The following ITPR2 variants were observed in gnomAD, a reference collection of about 807,000 sequenced individuals.
The protein encoded by ITPR2 is inositol 1,4,5-trisphosphate receptor type 2, also known as inositol 1,4,5-trisphosphate-gated calcium channel ITPR2.
In ITPR2, 207 loss-of-function variants were observed where a neutral mutation model predicts 317.1. The ratio of observed to expected loss-of-function variants is 0.65; its 90% CI spans 0.58 to 0.73. The LOEUF (loss-of-function observed/expected upper bound fraction) is 0.73, where lower values mean the gene tolerates loss of function less well. Among genes scored for constraint, ITPR2 ranks in the 30% least tolerant of loss-of-function variants. The probability of loss-of-function intolerance (pLI) is 0.00; values close to 1 mark genes in which losing one functional copy is unlikely to be tolerated. For missense variants in ITPR2, 2,613 were observed against 3,284.0 expected (o/e 0.80, Z 4.99); for synonymous variants, 1,156 against 1,149.1 (o/e 1.01, Z -0.12).
intron 32 of ITPR2, among the ~76,000 whole-genome samples, 193 bp downstream of exon 32, chr12:26,595,272 T>C (rs1197255182): frequency 6.6e-6 from 1 of 152,236 alleles, no homozygotes; most frequent in Non-Finnish European, 1.5e-5. Flanking sequence ...TCATCTACAA[T>C]GTACTAAGTA....
chr12:26,805,634 G>A (rs866296638), intron 1 of ITPR2, among the ~76,000 whole-genome samples: 2 of 90,284 alleles, frequency 2.2e-5, no homozygotes, highest in Middle Eastern at 4.6e-3. Context: ...GAATGGGGAG[G>A]AGACAAATCA....
intron 43 of ITPR2, 147 bp from the exon 44 acceptor site, chr12:26,477,154 C>A: frequency 5.4e-6 from 3 of 556,148 alleles, no homozygotes; most frequent in Admixed American, 3.4e-5. Context: ...TGTTAACATT[C>A]TAAAATAGAA....
At position 26,556,222 on chromosome 12, in the gene ITPR2, G is replaced by A. The variant is rs1347305737; in HGVS notation, c.4964+11C>T. 3 of 1,612,196 alleles carry A rather than the reference G, an allele frequency of 1.9e-6. No homozygotes were observed. In the African/African-American group the frequency reaches 4.0e-5, roughly 22 times the overall value. The stretch of plus-strand genomic sequence containing the variant: ...ACGACACTAGCAGAATCTCAGATTG[G>A]ATCCACTTACTTCGACATGAAAGCG... On this transcript the variant is annotated intron_variant, in intron 36 of 56. Coordinates refer to ENST00000381340, the MANE Select transcript of ITPR2 (RefSeq NM_002223.4).
In ITPR2 at chr12:26,695,738, T is replaced by C. The variant is rs1948332039; in HGVS notation, c.952-88A>G. 63 of 805,680 alleles carry C rather than the reference T, an allele frequency of 7.8e-5. 1 individual carries two copies. In the South Asian group the frequency reaches 8.2e-4, roughly 10 times the overall value. The allele number at this position is 805,680 out of a possible 1,614,324, so 49.9% of individuals were successfully genotyped here. A position where few individuals can be genotyped will look rare whatever the true frequency, so the allele number is the denominator to read the frequency against. Reference sequence around the variant, plus strand: ...GATCTTCAATTCAATTAATATTCTATCCTCAACTAAGTTTAATATAAAAAG... The same window carrying C: ...GATCTTCAATTCAATTAATATTCTACCCTCAACTAAGTTTAATATAAAAAG... On this transcript the variant is annotated intron_variant, in intron 9 of 56. Coordinates refer to ENST00000381340, the MANE Select transcript of ITPR2 (RefSeq NM_002223.4).
chr12:26,679,683 T>C (rs1003982717), intron 13 of ITPR2, among the ~76,000 whole-genome samples: 7 of 152,186 alleles, frequency 4.6e-5, no homozygotes, highest in African/African-American at 1.4e-4. Context: ...TTTTCTTTTT[T>C]ATTTTTATTT....
At chr12:26,455,246 T>G (rs1941851803) in intron 45 of ITPR2, among the ~76,000 whole-genome samples, 1 of 150,618 alleles carries the variant, frequency 6.6e-6, no homozygotes, top group African/African-American at 2.5e-5. Context: ...TGAAAGCATT[T>G]CAACTTCAGG....
intron 21 of ITPR2, among the ~76,000 whole-genome samples, chr12:26,646,582 C>T (rs1029257740): frequency 2.0e-5 from 3 of 152,166 alleles, no homozygotes; most frequent in Non-Finnish European, 2.9e-5. Flanking sequence ...CAAAGCACAT[C>T]TCACTACCCT....
chr12:26,432,565 C>G (rs1592018399), intron 48 of ITPR2, among the ~76,000 whole-genome samples: 2 of 151,360 alleles, frequency 1.3e-5, no homozygotes, highest in Middle Eastern at 6.8e-3. Flanking sequence ...TACTTTTCAT[C>G]ATATAGTCAC....
rs79570636 is a variant in ITPR2 at position 26,698,407 on chromosome 12, C to T, written c.952-2757G>A. Among the ~76,000 whole-genome samples the T allele has an allele frequency of 8.5e-5, 13 of 152,176 alleles. No homozygotes were observed. In the East Asian group the frequency reaches 2.3e-3, roughly 27 times the overall value. ...GAACATGACGAGCTTCTCATGCAAG[C>T]GACAACCAAGAATGAATCTCAAAGA... On this transcript the variant is annotated intron_variant, in intron 9 of 56. Coordinates refer to ENST00000381340, the MANE Select transcript of ITPR2 (RefSeq NM_002223.4).
chr12:26,397,786 C>G (rs1479232128), intron 54 of ITPR2, among the ~76,000 whole-genome samples: 1 of 151,994 alleles, frequency 6.6e-6, no homozygotes, highest in Non-Finnish European at 1.5e-5. Context: ...TGTAGTGAAC[C>G]CTTAGGCTTG....
rs148661410 is a variant in ITPR2 at position 26,436,996 on chromosome 12, GC to G, written c.6644-651del. Among the ~76,000 whole-genome samples the G allele has an allele frequency of 2.0e-3, 311 of 152,296 alleles. 6 individuals are homozygous for G. The highest frequency in any genetic ancestry group is 7.3e-3 in the African/African-American group (303 of 41,564). ...TAAAAACTGTTAATAAGTGGAACAC[GC>G]TTTGCTGCATATATTCAACAAAGGA... On this transcript the variant is annotated intron_variant, in intron 47 of 56. Coordinates refer to ENST00000381340, the MANE Select transcript of ITPR2 (RefSeq NM_002223.4).
intron 54 of ITPR2, among the ~76,000 whole-genome samples, chr12:26,395,788 A>C (rs926174187): frequency 1.4e-4 from 22 of 152,146 alleles, no homozygotes; most frequent in African/African-American, 4.6e-4. Context: ...TCACTTTGTC[A>C]TTTTAGAATA....
intron 29 of ITPR2, 82 bp downstream of exon 29, chr12:26,599,905 A>G (rs1945952994): frequency 9.7e-7 from 1 of 1,031,654 alleles, no homozygotes; most frequent in Admixed American, 2.2e-5. Context: ...AGGAAGTGTA[A>G]CAAAATTCTC....
At chr12:26,630,172 A>G (rs1424835522) in intron 22 of ITPR2, among the ~76,000 whole-genome samples, 3 of 152,230 alleles carry the variant, frequency 2.0e-5, no homozygotes, top group Non-Finnish European at 4.4e-5. Context: ...TATTTTTTAA[A>G]GTAAAGGATA....
chr12:26,765,447 T>C (rs1949703467), intron 2 of ITPR2, among the ~76,000 whole-genome samples: 1 of 152,118 alleles, frequency 6.6e-6, no homozygotes, highest in Admixed American at 6.5e-5. Flanking sequence ...AGTGTACCAA[T>C]GTATACTCTT....
At chr12:26,474,112 T>C (rs1395181979) in intron 45 of ITPR2, among the ~76,000 whole-genome samples, 1 of 152,218 alleles carries the variant, frequency 6.6e-6, no homozygotes, top group Non-Finnish European at 1.5e-5. Flanking sequence ...TAGACAGTTA[T>C]ACAAAGGGTA....
At chr12:26,771,410 C>T (rs1283042886) in intron 2 of ITPR2, among the ~76,000 whole-genome samples, 3 of 152,152 alleles carry the variant, frequency 2.0e-5, no homozygotes, top group Non-Finnish European at 4.4e-5. Context: ...CCAAGATGGT[C>T]CCGGACCACT....
In ITPR2 at chr12:26,831,759, TATAA is replaced by T. The variant is rs1382206623; in HGVS notation, c.92+927_92+930del. On this transcript the variant is annotated intron_variant, in intron 1 of 56. Transcript: ENST00000381340. The surrounding 1 kb of genome is among the most constrained non-coding windows in gnomAD (Gnocchi z 4.9). ...ATAAATATATATTCTACATAAAATA[TATAA>T]ATATATATTCTACATAAAATATATA... is the stretch of plus-strand genomic sequence containing the variant. 0.013 allele frequency among the ~76,000 whole-genome samples: 1,622 copies of T among 122,522 alleles called. 35 individuals carry two copies. Among genetic ancestry groups the T allele is most frequent in the East Asian group, 0.023 (92 of 4,028 alleles). 80.4% of individuals were successfully genotyped at this position (122,522 alleles called of 152,430 possible). A position where few individuals can be genotyped will look rare whatever the true frequency, so the allele number is the denominator to read the frequency against.
intron 1 of ITPR2, among the ~76,000 whole-genome samples, chr12:26,797,453 A>T (rs947475520): frequency 1.3e-5 from 2 of 152,208 alleles, no homozygotes; most frequent in Non-Finnish European, 2.9e-5. Flanking sequence ...TCTGGAATAT[A>T]TTATAAAATC....
Sources: allele counts gnomAD v4.1 joint callset (sites outside exome capture counted in the v4.1 genomes callset), GRCh38; gene constraint gnomAD v4.1.1; non-coding constraint Gnocchi (gnomAD v3.1); transcripts MANE v1.5; gene names NCBI Gene and HGNC (gene_info 2026-07-23, HGNC 2026-07-21).